Variants in CAPN10 observed in about 807,000 individuals in gnomAD.
The protein encoded by CAPN10 is calpain-10.
In CAPN10, 71 loss-of-function variants were observed where a neutral mutation model predicts 78.4. The ratio of observed to expected loss-of-function variants is 0.91; its 90% CI spans 0.75 to 1.10. The LOEUF (loss-of-function observed/expected upper bound fraction) is 1.10. Ranked by LOEUF, CAPN10 falls within the 50% of genes least tolerant of loss-of-function variation. The pLI is 0.00. For synonymous variants in CAPN10, 437 were observed against 407.2 expected (o/e 1.07, Z -0.88); for missense variants, 849 against 924.6 (o/e 0.92, Z 1.06).
intron 2 of CAPN10, 26 bp downstream of exon 2, chr2:240,589,500 T>C: frequency 1.3e-6 from 2 of 1,588,964 alleles, no homozygotes; most frequent in South Asian, 1.1e-5. Context: ...CCTGTGTTTG[T>C]CCTGGAGCCG....
intron 10 of CAPN10, 46 bp from the exon 11 acceptor site, chr2:240,598,306 T>A: frequency 6.2e-7 from 1 of 1,607,624 alleles, no homozygotes; most frequent in South Asian, 1.1e-5. Flanking sequence ...CAGCCACTTG[T>A]GTGACAAGTG....
At chr2:240,597,004 T>C in intron 9 of CAPN10, 62 bp downstream of exon 9, 2 of 1,596,290 alleles carry the variant, frequency 1.3e-6, no homozygotes, top group Non-Finnish European at 1.7e-6. Flanking sequence ...ATTTGCATCT[T>C]GGCCTCCATT....
Position 240,595,320 on chromosome 2 carries a change from C to A in CAPN10, c.1278+16C>A, listed in dbSNP as rs1225243617. 2.5e-6 allele frequency: 4 copies of A among 1,609,920 alleles called. No homozygotes were observed. The South Asian group carries it at 4.4e-5, about 18-fold the overall frequency. ...CCTCTGGAAGGTAACTCAGCCCCGTCTGGCTCACGCTCGGTTCAGCAGGTG... is the reference window on the plus strand; with the variant it reads ...CCTCTGGAAGGTAACTCAGCCCCGTATGGCTCACGCTCGGTTCAGCAGGTG... On this transcript the variant is annotated intron_variant, in intron 7 of 11. Transcript: ENST00000391984.
At chr2:240,590,023 T>C (rs1433784888) in intron 2 of CAPN10, 1 of 153,532 alleles carries the variant, frequency 6.5e-6, no homozygotes, top group Non-Finnish European at 1.4e-5. Flanking sequence ...GCGTCAACAG[T>C]GTGACCTCAT....
At chr2:240,591,695 C>G in intron 3 of CAPN10, 1 of 569,714 alleles carries the variant, frequency 1.8e-6, no homozygotes, top group South Asian at 2.3e-5. Context: ...CACCGGATGC[C>G]AGAGAGTTTC....
At position 240,589,421 on chromosome 2, in the gene CAPN10, T is replaced by A. The variant is rs778941616; in HGVS notation, c.220T>A (p.Trp74Arg). The A allele has an allele frequency of 6.2e-7, 1 of 1,614,032 alleles. No individual in the cohort carries two copies. Among genetic ancestry groups the A allele is most frequent in the South Asian group, 1.1e-5 (1 of 91,090 alleles). The change falls in exon 2 of 12, where the codon TGG becomes AGG. Residue 74 changes from tryptophan (W) to arginine (R), a missense_variant. Coordinates refer to ENST00000391984, the MANE Select transcript of CAPN10 (RefSeq NM_023083.4). ...GAAGCAGGGGCTGCTGGGGGATTGCTGGTTCCTGTGTGCCTGCGCCGCGCT... is the reference window on the plus strand; with the variant it reads ...GAAGCAGGGGCTGCTGGGGGATTGCAGGTTCCTGTGTGCCTGCGCCGCGCT... ...QVKQGLLGDC[W>R]FLCACAALQK... is the part of the protein sequence containing the mutation.
intron 4 of CAPN10, chr2:240,592,692 T>C (rs1228348902): frequency 2.8e-6 from 1 of 353,542 alleles, no homozygotes; most frequent in African/African-American, 2.2e-5. Context: ...CACATGTGAC[T>C]TTTGAGTGCG....
chr2:240,594,318 T>G, intron 5 of CAPN10: 1 of 616,972 alleles, frequency 1.6e-6, no homozygotes, highest in Non-Finnish European at 2.8e-6. Context: ...TCCAGAGGCG[T>G]GAAGTTCCTC....
intron 7 of CAPN10, 53 bp downstream of exon 7, chr2:240,595,357 C>A: frequency 6.3e-7 from 1 of 1,579,684 alleles, no homozygotes. Flanking sequence ...TGTGGAGGCC[C>A]ATGGAGGTCT....
intron 10 of CAPN10, 80 bp downstream of exon 10, chr2:240,598,167 C>T: frequency 1.4e-6 from 2 of 1,411,502 alleles, no homozygotes; most frequent in Middle Eastern, 1.8e-4. Flanking sequence ...CCCCACGTCT[C>T]CTGCCTGCCC....
At position 240,592,040 on chromosome 2, in the gene CAPN10, G is replaced by A. The variant is rs1488478204; in HGVS notation, c.578G>A (p.Ser193Asn). 19 of 1,612,408 alleles carry A rather than the reference G, an allele frequency of 1.2e-5. No homozygotes were observed. The highest frequency in any genetic ancestry group is 1.6e-5 in the Non-Finnish European group (19 of 1,179,790). ...TGGAACCTGAAGGGCGTAGCAGGAA[G>A]CGGAGGCCAGCAGGACAGGCCAGGC... ...ERWNLKGVAG[S>N]GGQQDRPGRW... is the part of the protein sequence containing the mutation. The change falls in exon 4 of 12, where the codon AGC becomes AAC. Residue 193 changes from serine to asparagine, a missense_variant. Coordinates refer to ENST00000391984, the MANE Select transcript of CAPN10 (RefSeq NM_023083.4).
intron 1 of CAPN10, among the ~76,000 whole-genome samples, chr2:240,588,099 G>A (rs1251605624): frequency 6.6e-6 from 1 of 152,132 alleles, no homozygotes; most frequent in African/African-American, 2.4e-5. Context: ...GATAGTGGAG[G>A]GATCAACATG....
In CAPN10 at chr2:240,598,413, C is replaced by T. The variant is rs1356825875; in HGVS notation, c.1989+16C>T. On this transcript the variant is annotated intron_variant, in intron 11 of 11. Transcript: ENST00000391984. ...CCTCCAAGAGGTGTGTATGCAGCCC[C>T]GCCAGCCCGGCTCACCTGCCTGGGG... 15 of 1,613,460 alleles carry T rather than the reference C, an allele frequency of 9.3e-6. No individual in the cohort carries two copies. Among genetic ancestry groups the T allele is most frequent in the East Asian group, 6.7e-5 (3 of 44,882 alleles).
chr2:240,591,115 C>T (rs2093099306), intron 3 of CAPN10, 104 bp downstream of exon 3: 2 of 1,034,834 alleles, frequency 1.9e-6, no homozygotes, highest in Non-Finnish European at 2.8e-6. Flanking sequence ...CTGCAGAGCC[C>T]CCTTCAGTTC....
At chr2:240,592,212 G>A in intron 4 of CAPN10, 62 bp downstream of exon 4, 1 of 1,389,298 alleles carries the variant, frequency 7.2e-7, no homozygotes. Context: ...CCAGGCCTCA[G>A]GCACACTGTA....
At chr2:240,591,179 T>G in intron 3 of CAPN10, 168 bp downstream of exon 3, 1 of 625,512 alleles carries the variant, frequency 1.6e-6, no homozygotes, top group Non-Finnish European at 2.7e-6. Context: ...GGTGCAGAGA[T>G]TCTTCTTTTG....
At chr2:240,587,946 C>T (rs2093078518) in intron 1 of CAPN10, among the ~76,000 whole-genome samples, 1 of 152,168 alleles carries the variant, frequency 6.6e-6, no homozygotes, top group Non-Finnish European at 1.5e-5. Context: ...TGCAAGGGTC[C>T]ATTGTAGTGG....
At position 240,596,737 on chromosome 2, in the gene CAPN10, A is replaced by C; in HGVS notation, c.1538A>C (p.Glu513Ala). The C allele has an allele frequency of 1.3e-6, 2 of 1,594,832 alleles. No homozygotes were observed. Among genetic ancestry groups the C allele is most frequent in the Non-Finnish European group, 1.7e-6 (2 of 1,169,206 alleles). ...TTPGAALPAG[E>A]WGTVQLRGSW... ...CCCGGGGCAGCCCTGCCTGCGGGGG[A>C]GTGGGGGACCGTGCAGCTACGGGGT... The change falls in exon 9 of 12, where the codon GAG becomes GCG. Residue 513 changes from glutamate (E) to alanine (A), a missense_variant. Transcript: ENST00000391984.
Position 240,595,014 on chromosome 2 carries a change from T to C in CAPN10, c.998-10T>C, listed in dbSNP as rs1203708587. 2 of 1,612,382 alleles carry C rather than the reference T, an allele frequency of 1.2e-6. No homozygotes were observed. The highest frequency in any genetic ancestry group is 4.5e-5 in the East Asian group (2 of 44,860). On this transcript the variant is annotated splice_polypyrimidine_tract_variant and intron_variant, in intron 6 of 11. Transcript: ENST00000391984. ...TGTCCCACAGCTGATGCCTGGTGTT[T>C]TCTCACTAGAGAGGCTGCTCTGCCA...
Sources: gnomAD v4.1 joint callset for allele counts (sites outside exome capture counted in the v4.1 genomes callset) on GRCh38, gnomAD v4.1.1 for gene constraint, MANE v1.5 for transcripts, NCBI Gene and HGNC (gene_info 2026-07-23, HGNC 2026-07-21) for gene names.